Variants in SEC23B observed in about 807,000 individuals in gnomAD.
SEC23B encodes the protein protein transport protein Sec23B.
A neutral mutation model predicts 104.3 loss-of-function variants in SEC23B; 77 were observed. The observed-to-expected ratio is 0.74, with a 90% CI of 0.61 to 0.89. The LOEUF (loss-of-function observed/expected upper bound fraction) is 0.89. Ranked by LOEUF, SEC23B falls within the 40% of genes least tolerant of loss-of-function variation. The probability of loss-of-function intolerance (pLI) is 0.00; values close to 1 mark genes in which losing one functional copy is unlikely to be tolerated. For synonymous variants in SEC23B, 338 were observed against 332.5 expected, an observed-to-expected ratio of 1.02 and a Z score of -0.18; for missense variants, 885 against 949.4, an observed-to-expected ratio of 0.93 and a Z score of 0.89.
intron 9 of SEC23B, among the ~76,000 whole-genome samples, chr20:18,530,254 A>T (rs911780835): frequency 2.0e-5 from 3 of 151,322 alleles, no homozygotes; most frequent in Non-Finnish European, 4.4e-5. Flanking sequence ...CTTATTTATT[A>T]ATTTTTTTTT....
chr20:18,526,624 T>G, intron 8 of SEC23B, 93 bp downstream of exon 8: 1 of 1,327,766 alleles, frequency 7.5e-7, no homozygotes, highest in Non-Finnish European at 1.1e-6. Flanking sequence ...AGGTCATGTG[T>G]CATGGTCAGC....
chr20:18,557,231 C>T (rs994902474), intron 19 of SEC23B, among the ~76,000 whole-genome samples: 1 of 151,994 alleles, frequency 6.6e-6, no homozygotes, highest in African/African-American at 2.4e-5. Context: ...TTAGGATTCC[C>T]TTCTGACTTG....
Position 18,554,962 on chromosome 20 carries a change from TAAA to T in SEC23B, c.2149-144_2149-142del. 35 of 73,840 alleles carry T rather than the reference TAAA, an allele frequency of 4.7e-4. 13 individuals are homozygous for T. Among genetic ancestry groups the T allele is most frequent in the Non-Finnish European group, 9.1e-4 (23 of 25,380 alleles). 4.6% of individuals were successfully genotyped at this position (73,840 alleles called of 1,614,324 possible). A position where few individuals can be genotyped will look rare whatever the true frequency, so the allele number is the denominator to read the frequency against. On this transcript the variant is annotated intron_variant, in intron 18 of 19. Coordinates refer to ENST00000650089, the MANE Select transcript of SEC23B (RefSeq NM_006363.6). The stretch of plus-strand genomic sequence containing the variant: ...GCTAAAGAAATAGATTACTGTGCAG[TAAA>T]ACAATTCTAATTAGATTACTGTGCA...
intron 13 of SEC23B, among the ~76,000 whole-genome samples, chr20:18,542,764 A>C (rs1319063622): frequency 6.6e-6 from 1 of 152,148 alleles, no homozygotes; most frequent in Non-Finnish European, 1.5e-5. Flanking sequence ...CCTCCCAGGT[A>C]GCTGGGACCA....
chr20:18,516,708 C>T (rs988576703), intron 4 of SEC23B, among the ~76,000 whole-genome samples: 1 of 151,906 alleles, frequency 6.6e-6, no homozygotes, highest in African/African-American at 2.4e-5. Flanking sequence ...CCTGCCACCA[C>T]GCCCGGCTAA....
At chr20:18,530,842 G>A (rs2060180212) in intron 10 of SEC23B, 39 bp downstream of exon 10, 1 of 1,530,122 alleles carries the variant, frequency 6.5e-7, no homozygotes, top group Non-Finnish European at 9.0e-7. Flanking sequence ...TGGACTCACT[G>A]TACTGCCCAG....
chr20:18,555,539 C>T (rs2060428666), intron 19 of SEC23B, among the ~76,000 whole-genome samples: 1 of 152,132 alleles, frequency 6.6e-6, no homozygotes, highest in African/African-American at 2.4e-5. Flanking sequence ...GCCGCCTCCT[C>T]ACTTTCCAGC....
chr20:18,555,302 G>A, intron 19 of SEC23B, 129 bp downstream of exon 19: 1 of 753,044 alleles, frequency 1.3e-6, no homozygotes, highest in South Asian at 1.5e-5. Flanking sequence ...TATTTTGCTG[G>A]GGAGTGGCGG....
In SEC23B at chr20:18,554,343, C is replaced by A; in HGVS notation, c.2101C>A (p.Arg701Ser). The part of the protein sequence containing the change: ...LDDAQEILQA[R>S]FPMPRYINTE... ...TGATGCTCAAGAAATTCTGCAAGCA[C>A]GCTTCCCGATGCCACGTTACATCAA... is the stretch of plus-strand genomic sequence containing the variant. The change falls in exon 18 of 20, where the codon CGC becomes AGC. Residue 701 changes from arginine to serine, a missense_variant. By Grantham distance (110) the Arg-to-Ser change is moderately radical. Coordinates refer to ENST00000650089, the MANE Select transcript of SEC23B (RefSeq NM_006363.6). 6.2e-7 allele frequency: 1 copy of A among 1,614,196 alleles called. No homozygotes were observed. Among genetic ancestry groups the A allele is most frequent in the Non-Finnish European group, 8.5e-7 (1 of 1,180,040 alleles).
chr20:18,522,699 G>A (rs1600237484), intron 4 of SEC23B, among the ~76,000 whole-genome samples: 4 of 18,514 alleles, frequency 2.2e-4, no homozygotes, highest in South Asian at 2.7e-3. Context: ...TGAGCAACAA[G>A]CTGTTATTTT....
intron 12 of SEC23B, among the ~76,000 whole-genome samples, chr20:18,537,173 T>A (rs2060239797): frequency 6.6e-6 from 1 of 151,336 alleles, no homozygotes; most frequent in South Asian, 2.1e-4. Context: ...CTTGTGGAAG[T>A]CAGTGTGGCG....
chr20:18,538,927 CG>C (rs1350511605), intron 12 of SEC23B, among the ~76,000 whole-genome samples: 1 of 151,736 alleles, frequency 6.6e-6, no homozygotes, highest in African/African-American at 2.4e-5. Flanking sequence ...AAAAATAGGC[CG>C]GGTGTGATGG....
Position 18,554,442 on chromosome 20 carries a change from G to A in SEC23B, c.2148+52G>A, listed in dbSNP as rs2060417162. The A allele has an allele frequency of 2.5e-6, 4 of 1,585,626 alleles. No homozygotes were observed. The South Asian group carries it at 3.3e-5, about 13-fold the overall frequency. On this transcript the variant is annotated intron_variant, in intron 18 of 19. Coordinates refer to ENST00000650089, the MANE Select transcript of SEC23B (RefSeq NM_006363.6). ...TGGTTTGTTCGTTTTATGATAGATTGTTATTGCTATACATCTAAACAGGAT... is the reference window on the plus strand; with the variant it reads ...TGGTTTGTTCGTTTTATGATAGATTATTATTGCTATACATCTAAACAGGAT...
At chr20:18,559,240 G>A (rs2060470490) in intron 19 of SEC23B, among the ~76,000 whole-genome samples, 2 of 152,230 alleles carry the variant, frequency 1.3e-5, no homozygotes, top group South Asian at 4.1e-4. Context: ...CAGTGAGACC[G>A]CTGTGGAGAT....
chr20:18,550,816 C>G (rs999068366), intron 16 of SEC23B, among the ~76,000 whole-genome samples: 2 of 114,488 alleles, frequency 1.7e-5, no homozygotes, highest in Non-Finnish European at 4.1e-5. Context: ...CAGAGCAACA[C>G]CCTGACTCTT....
At chr20:18,512,086 T>C in intron 2 of SEC23B, 139 bp from the exon 3 acceptor site, 1 of 584,334 alleles carries the variant, frequency 1.7e-6, no homozygotes, top group Admixed American at 3.2e-5. Context: ...TACTCATACT[T>C]ATGCATACAC....
At chr20:18,542,550 AT>A (rs2060297499) in intron 13 of SEC23B, 148 bp downstream of exon 13, 4 of 828,356 alleles carry the variant, frequency 4.8e-6, no homozygotes, top group South Asian at 2.8e-5. Flanking sequence ...AGGAGGAGGC[AT>A]TTTTGGCTAA....
At chr20:18,528,262 C>G (rs1427026829) in intron 9 of SEC23B, among the ~76,000 whole-genome samples, 1 of 152,224 alleles carries the variant, frequency 6.6e-6, no homozygotes, top group African/African-American at 2.4e-5. Flanking sequence ...CTGATGAGCA[C>G]TGGTCTGCAG....
In SEC23B at chr20:18,560,096, T is replaced by TTGTG. The variant is rs10691267; in HGVS notation, c.2215-545_2215-542dup. On this transcript the variant is annotated intron_variant, in intron 19 of 19. Coordinates refer to ENST00000650089, the MANE Select transcript of SEC23B (RefSeq NM_006363.6). Reference sequence around the variant, plus strand: ...GCTTTTTTCTACGTAAAGTGTATTATTGTGTGTGTGTGTATATATATATAT... The same window carrying TTGTG: ...GCTTTTTTCTACGTAAAGTGTATTATTGTGTGTGTGTGTGTGTATATATATATAT... 6.2e-3 allele frequency among the ~76,000 whole-genome samples: 935 copies of TTGTG among 150,130 alleles called. 6 individuals carry two copies. The highest frequency in any genetic ancestry group is 0.021 in the African/African-American group (868 of 40,896).
Sources: allele counts gnomAD v4.1 joint callset (sites outside exome capture counted in the v4.1 genomes callset), GRCh38; gene constraint gnomAD v4.1.1; transcripts MANE v1.5; gene names NCBI Gene and HGNC (gene_info 2026-07-23, HGNC 2026-07-21).